The following UBXN2B variants were observed in gnomAD, a reference collection of about 807,000 sequenced individuals.
UBXN2B encodes the protein UBX domain protein 2B, also known as UBX domain-containing protein 2B.
UBXN2B carries 19 observed loss-of-function variants against 37.5 expected under a neutral mutation model. The ratio of observed to expected loss-of-function variants is 0.51; its 90% CI spans 0.35 to 0.74. The LOEUF (loss-of-function observed/expected upper bound fraction) is 0.74. UBXN2B is among the 30% of genes least tolerant of loss of function. UBXN2B has a pLI of 0.01. For missense variants in UBXN2B, 370 were observed against 393.2 expected (o/e 0.94, Z 0.50); for synonymous variants, 145 against 143.8 (o/e 1.01, Z -0.06).
At chr8:58,412,953 A>T (rs1315263977) in intron 1 of UBXN2B, among the ~76,000 whole-genome samples, 2 of 152,238 alleles carry the variant, frequency 1.3e-5, no homozygotes, top group Admixed American at 1.3e-4. Flanking sequence ...AATATCATTA[A>T]AGTTAATAGA....
chr8:58,425,224 A>G (rs1448079450), intron 2 of UBXN2B: 19 of 1,063,374 alleles, frequency 1.8e-5, no homozygotes, highest in African/African-American at 3.1e-5. Context: ...CCTAACACGC[A>G]TGATGCCATA....
chr8:58,437,318 C>CTTTTTT (rs773987509), intron 5 of UBXN2B, among the ~76,000 whole-genome samples: 26 of 74,268 alleles, frequency 3.5e-4, no homozygotes, highest in African/African-American at 9.0e-4. Context: ...GAAGAAATTT[C>CTTTTTT]TTTTTTTTTT....
chr8:58,439,656 G>T lies in UBXN2B; in HGVS notation c.557G>T (p.Arg186Leu). Reference protein sequence around the residue: ...KRGEIPLELQRLVHGGQVNLD... With the variant: ...KRGEIPLELQLLVHGGQVNLD... Reference sequence around the variant, plus strand: ...AGAGAGATTCCCCTGGAGCTTCAGCGCCTTGTTCATGGTGGCCAAGTGAAT... The same window carrying T: ...AGAGAGATTCCCCTGGAGCTTCAGCTCCTTGTTCATGGTGGCCAAGTGAAT... Residue 186 changes from arginine (R) to leucine (L), a missense_variant, in exon 6 of 8, where the codon CGC becomes CTC. Physicochemically the swap from Arg to Leu is moderately radical, Grantham distance 102. Coordinates refer to ENST00000399598, the MANE Select transcript of UBXN2B (RefSeq NM_001077619.2). 1 of 1,606,818 alleles carries T rather than the reference G, an allele frequency of 6.2e-7. No homozygotes were observed. The highest frequency in any genetic ancestry group is 8.5e-7 in the Non-Finnish European group (1 of 1,178,096).
chr8:58,424,005 A>G (rs1329499829), intron 2 of UBXN2B, among the ~76,000 whole-genome samples: 2 of 152,052 alleles, frequency 1.3e-5, no homozygotes, highest in Non-Finnish European at 2.9e-5. Flanking sequence ...TTCAATGCCA[A>G]TGCAAAGGTA....
chr8:58,433,170 G>T lies in UBXN2B; in HGVS notation c.350G>T (p.Gly117Val), dbSNP rs1337597019. The T allele has an allele frequency of 6.2e-7, 1 of 1,611,510 alleles. No homozygotes were observed. Among genetic ancestry groups the T allele is most frequent in the Non-Finnish European group, 8.5e-7 (1 of 1,178,646 alleles). The change falls in exon 4 of 8, where the codon GGT becomes GTT. Residue 117 changes from glycine to valine, a missense_variant. Gly to Val is a moderately radical substitution (Grantham distance 109). Around this residue, in one of 3 missense-constraint regions of UBXN2B, gnomAD observed 197 missense variants for 170.2 expected, o/e 1.16. Transcript: ENST00000399598. ...TGCTATGTATTTTAGTCATTTACAG[G>T]TGGAGGATACAGATTGGGTAGTTCT... ...SGDDKSKSFT[G>V]GGYRLGSSFC...
At chr8:58,417,428 A>G (rs1807814302) in intron 2 of UBXN2B, among the ~76,000 whole-genome samples, 2 of 152,168 alleles carry the variant, frequency 1.3e-5, no homozygotes, top group Non-Finnish European at 2.9e-5. Flanking sequence ...CCATTTAAGA[A>G]TCTATGATTT....
Position 58,439,673 on chromosome 8 carries a change from C to G in UBXN2B, c.574C>G (p.Gln192Glu). 6.2e-7 allele frequency: 1 copy of G among 1,611,050 alleles called. No homozygotes were observed. The highest frequency in any genetic ancestry group is 1.1e-5 in the South Asian group (1 of 90,442). ...GCTTCAGCGCCTTGTTCATGGTGGC[C>G]AAGTGAATTTGGATATGGAGGATCA... ...LELQRLVHGG[Q>E]VNLDMEDHQD... Residue 192 changes from glutamine (Q) to glutamate (E), a missense_variant, in exon 6 of 8, where the codon CAA becomes GAA. This residue lies in a region of UBXN2B where 90 missense variants were observed against 139.4 expected (regional missense o/e 0.65). Coordinates refer to ENST00000399598, the MANE Select transcript of UBXN2B (RefSeq NM_001077619.2).
rs1177647885 is a variant in UBXN2B at position 58,434,964 on chromosome 8, T to C, written c.533+460T>C. 11 of 1,535,310 alleles carry C rather than the reference T, an allele frequency of 7.2e-6. No homozygotes were observed. The East Asian group carries it at 7.3e-5, about 10-fold the overall frequency. ...ATTTCAAAAGGTTAGTTTGAAGTTA[T>C]AATTTGTGAAAGTAAACTCAGATAT... On this transcript the variant is annotated intron_variant, in intron 5 of 7. Transcript: ENST00000399598.
chr8:58,431,383 CAG>C (rs1808272487), intron 3 of UBXN2B, among the ~76,000 whole-genome samples: 1 of 152,198 alleles, frequency 6.6e-6, no homozygotes, highest in South Asian at 2.1e-4. Context: ...TCAGATCTGT[CAG>C]AGTTATTGCT....
rs747062028 is a variant in UBXN2B, at chr8:58,416,941, C to T, written c.176C>T (p.Thr59Ile). Residue 59 changes from threonine (T) to isoleucine (I), a missense_variant, in exon 2 of 8, where the codon ACA becomes ATA. Transcript: ENST00000399598. ...PKATVFKSPR[T>I]PPQRFYSSEH... ...GCCACAGTCTTCAAGAGCCCACGGACACCACCTCAACGGTAAGTTTTATTT... is the reference window on the plus strand; with the variant it reads ...GCCACAGTCTTCAAGAGCCCACGGATACCACCTCAACGGTAAGTTTTATTT... The T allele has an allele frequency of 5.0e-6, 8 of 1,604,394 alleles. No individual in the cohort carries two copies. The highest frequency in any genetic ancestry group is 6.8e-6 in the Non-Finnish European group (8 of 1,173,878).
At chr8:58,428,267 C>G (rs1048701312) in intron 2 of UBXN2B, among the ~76,000 whole-genome samples, 1 of 152,146 alleles carries the variant, frequency 6.6e-6, no homozygotes, top group Admixed American at 6.5e-5. Context: ...AGATTGAAAC[C>G]GCTCAACTCT....
chr8:58,420,460 A>C (rs1199504535), intron 2 of UBXN2B, among the ~76,000 whole-genome samples: 3 of 152,370 alleles, frequency 2.0e-5, no homozygotes, highest in Middle Eastern at 3.4e-3. Context: ...CAACATTTAC[A>C]TGATTCACAT....
intron 1 of UBXN2B, among the ~76,000 whole-genome samples, chr8:58,412,863 C>T (rs1466990608): frequency 6.6e-6 from 1 of 152,208 alleles, no homozygotes; most frequent in Non-Finnish European, 1.5e-5. Context: ...ATTATCCTGG[C>T]TCAGTTGTTG....
intron 2 of UBXN2B, among the ~76,000 whole-genome samples, chr8:58,424,195 GA>G (rs34689473): frequency 3.8e-5 from 4 of 105,568 alleles, no homozygotes; most frequent in Non-Finnish European, 5.9e-5. Flanking sequence ...CGACAATGAG[GA>G]AAAAAAAATT....
chr8:58,418,618 C>T (rs1281322764), intron 2 of UBXN2B, among the ~76,000 whole-genome samples: 2 of 152,136 alleles, frequency 1.3e-5, no homozygotes, highest in Non-Finnish European at 2.9e-5. Context: ...CAACAGGAGT[C>T]ATAATTTCAG....
chr8:58,436,795 A>T (rs1808423061), intron 5 of UBXN2B, among the ~76,000 whole-genome samples: 1 of 152,122 alleles, frequency 6.6e-6, no homozygotes, highest in South Asian at 2.1e-4. Flanking sequence ...TTCTACCATG[A>T]TTGTAAGTTC....
chr8:58,425,246 C>T lies in UBXN2B; in HGVS notation c.189-5273C>T, dbSNP rs1808050259. On this transcript the variant is annotated intron_variant, in intron 2 of 7. Transcript: ENST00000399598. ...CGCATGATGCCATATTCTTTTAGAG[C>T]ATACTCATCAGGCCAGTATTTGACA... 3 of 1,103,730 alleles carry T rather than the reference C, an allele frequency of 2.7e-6. No individual in the cohort carries two copies. In the Admixed American group the frequency reaches 5.1e-5, roughly 19 times the overall value. The allele number at this position is 1,103,730 out of a possible 1,614,324, so 68.4% of individuals were successfully genotyped here. A position where few individuals can be genotyped will look rare whatever the true frequency, so the allele number is the denominator to read the frequency against.
At chr8:58,444,689 A>C (rs370668280) in intron 6 of UBXN2B, among the ~76,000 whole-genome samples, 9 of 152,330 alleles carry the variant, frequency 5.9e-5, no homozygotes, top group South Asian at 2.1e-4. Flanking sequence ...TTGGCAGTGC[A>C]ATTACTTAGG....
At chr8:58,436,264 A>G (rs886805847) in intron 5 of UBXN2B, among the ~76,000 whole-genome samples, 6 of 152,230 alleles carry the variant, frequency 3.9e-5, no homozygotes, top group African/African-American at 1.4e-4. Context: ...CTCACTTTAC[A>G]TGGTCGTAAA....
Sources: allele counts gnomAD v4.1 joint callset (sites outside exome capture counted in the v4.1 genomes callset), GRCh38; gene constraint gnomAD v4.1.1; regional missense constraint gnomAD v4.1.1; transcripts MANE v1.5; gene names NCBI Gene and HGNC (gene_info 2026-07-23, HGNC 2026-07-21).